The following ALK variants were observed in gnomAD, a reference collection of about 807,000 sequenced individuals.
The protein encoded by ALK is ALK receptor tyrosine kinase, also known as ALK tyrosine kinase receptor.
ALK carries 74 observed loss-of-function variants against 163.1 expected under a neutral mutation model. The ratio of observed to expected loss-of-function variants is 0.45; its 90% CI spans 0.38 to 0.55. The LOEUF (loss-of-function observed/expected upper bound fraction) is 0.55, where lower values mean the gene tolerates loss of function less well. ALK is among the 20% of genes least tolerant of loss of function. ALK has a pLI of 0.00. For missense variants in ALK, 2,063 were observed against 2,105.3 expected (o/e 0.98, Z 0.39); for synonymous variants, 960 against 843.2 (o/e 1.14, Z -2.40).
chr2:29,582,117 T>G (rs1674715272), intron 3 of ALK, among the ~76,000 whole-genome samples: 2 of 152,228 alleles, frequency 1.3e-5, no homozygotes, highest in African/African-American at 4.8e-5. Context: ...GACCTTGAGT[T>G]GCTCAGTCTT....
At chr2:29,516,035 G>C (rs942875791) in intron 4 of ALK, among the ~76,000 whole-genome samples, 1 of 152,206 alleles carries the variant, frequency 6.6e-6, no homozygotes, top group Admixed American at 6.5e-5. Flanking sequence ...ACCTGGGTGA[G>C]GGCTCTGACA....
intron 4 of ALK, among the ~76,000 whole-genome samples, chr2:29,396,208 T>G (rs1281245681): frequency 6.6e-6 from 1 of 152,118 alleles, no homozygotes; most frequent in Non-Finnish European, 1.5e-5. Context: ...GTGGCAAGTA[T>G]CCTGGATAAT....
chr2:29,722,089 T>G (rs1412907405), intron 1 of ALK, among the ~76,000 whole-genome samples: 2 of 152,256 alleles, frequency 1.3e-5, no homozygotes, highest in African/African-American at 4.8e-5. Context: ...CACATCCTGG[T>G]CACCACATAG....
intron 3 of ALK, among the ~76,000 whole-genome samples, chr2:29,685,812 G>C (rs1416916154): frequency 6.6e-6 from 1 of 152,212 alleles, no homozygotes; most frequent in Non-Finnish European, 1.5e-5. Flanking sequence ...TGGTGGAACT[G>C]CGTTCCTTCT....
intron 1 of ALK, among the ~76,000 whole-genome samples, chr2:29,814,181 T>C (rs892082878): frequency 6.6e-6 from 1 of 152,284 alleles, no homozygotes; most frequent in South Asian, 2.1e-4. Context: ...CATACTATTC[T>C]GTTTCATAGA....
intron 3 of ALK, among the ~76,000 whole-genome samples, chr2:29,602,623 T>G (rs1675410708): frequency 6.6e-6 from 1 of 152,172 alleles, no homozygotes; most frequent in African/African-American, 2.4e-5. Flanking sequence ...CCTGTTTGCT[T>G]GATAATGTCA....
intron 26 of ALK, among the ~76,000 whole-genome samples, chr2:29,198,900 CTT>C (rs1249754392): frequency 6.6e-6 from 1 of 151,272 alleles, no homozygotes; most frequent in East Asian, 1.9e-4. Flanking sequence ...TGTAGGCACT[CTT>C]TATATGTCAG....
At chr2:29,787,835 A>G (rs1408108622) in intron 1 of ALK, among the ~76,000 whole-genome samples, 2 of 152,222 alleles carry the variant, frequency 1.3e-5, no homozygotes, top group Non-Finnish European at 2.9e-5. Context: ...TCCCAACCAA[A>G]GAAGAATGGA....
At chr2:29,401,053 T>C (rs1006710017) in intron 4 of ALK, among the ~76,000 whole-genome samples, 2 of 152,120 alleles carry the variant, frequency 1.3e-5, no homozygotes, top group African/African-American at 4.8e-5. Context: ...TACAGAGTTA[T>C]GCATTTACCC....
intron 1 of ALK, among the ~76,000 whole-genome samples, chr2:29,752,016 C>G (rs1028108538): frequency 6.6e-6 from 1 of 152,100 alleles, no homozygotes; most frequent in African/African-American, 2.4e-5. Context: ...GATAATAGCA[C>G]AAAGCTAACA....
intron 8 of ALK, among the ~76,000 whole-genome samples, chr2:29,301,644 C>T (rs544474591): frequency 5.0e-4 from 76 of 152,298 alleles, no homozygotes; most frequent in Non-Finnish European, 6.0e-4. Context: ...CTAAACTGCC[C>T]CCTCCTCAGC....
chr2:29,336,367 C>G (rs1346961770), intron 5 of ALK, among the ~76,000 whole-genome samples: 1 of 152,202 alleles, frequency 6.6e-6, no homozygotes, highest in Non-Finnish European at 1.5e-5. Flanking sequence ...TCCAGGGCAT[C>G]TTTCCAAAGC....
Position 29,851,755 on chromosome 2 carries a change from G to A in ALK, c.667+68238C>T, listed in dbSNP as rs377339119. On this transcript the variant is annotated intron_variant, in intron 1 of 28. Transcript: ENST00000389048. ...ACTTCCATGAGAACAGGGGCCTGGC[G>A]GAATACATGCAAACAAATCCCCATT... is the stretch of plus-strand genomic sequence containing the variant. Among the ~76,000 whole-genome samples the A allele has an allele frequency of 1.9e-3, 286 of 152,262 alleles. 2 individuals carry two copies. Among genetic ancestry groups the A allele is most frequent in the Middle Eastern group, 0.014 (4 of 294 alleles).
In ALK at chr2:29,261,673, G is replaced by T. The variant is rs969314158; in HGVS notation, c.2042-10406C>A. 2.0e-5 allele frequency among the ~76,000 whole-genome samples: 3 copies of T among 152,110 alleles called. 1 individual carries two copies. Among genetic ancestry groups the T allele is most frequent in the Non-Finnish European group, 1.5e-5 (1 of 68,012 alleles). Reference sequence around the variant, plus strand: ...ACTAAGTATAATTTAACCTTTTCTTGATAGTGCTTCCCAGACTTAATGAGT... The same window carrying T: ...ACTAAGTATAATTTAACCTTTTCTTTATAGTGCTTCCCAGACTTAATGAGT... On this transcript the variant is annotated intron_variant, in intron 11 of 28. Coordinates refer to ENST00000389048, the MANE Select transcript of ALK (RefSeq NM_004304.5).
At chr2:29,238,960 T>G (rs1664451348) in intron 13 of ALK, among the ~76,000 whole-genome samples, 1 of 152,218 alleles carries the variant, frequency 6.6e-6, no homozygotes, top group African/African-American at 2.4e-5. Context: ...TCTGCTTAGA[T>G]GAAGGAATTA....
intron 1 of ALK, among the ~76,000 whole-genome samples, chr2:29,828,508 G>A (rs1216637288): frequency 6.6e-6 from 1 of 152,100 alleles, no homozygotes; most frequent in Non-Finnish European, 1.5e-5. Flanking sequence ...CGAAGGATAT[G>A]AACAGACACT....
chr2:29,409,981 A>G (rs1669688451), intron 4 of ALK, among the ~76,000 whole-genome samples: 1 of 152,170 alleles, frequency 6.6e-6, no homozygotes, highest in South Asian at 2.1e-4. Flanking sequence ...TTGAGCCTTT[A>G]TCTTAATCAT....
At chr2:29,876,347 G>A (rs1666706592) in intron 1 of ALK, among the ~76,000 whole-genome samples, 1 of 152,044 alleles carries the variant, frequency 6.6e-6, no homozygotes, top group East Asian at 1.9e-4. Flanking sequence ...TGATGGTGAT[G>A]GTAGTGGTAA....
chr2:29,883,666 C>T (rs1052756779), intron 1 of ALK, among the ~76,000 whole-genome samples: 1 of 152,114 alleles, frequency 6.6e-6, no homozygotes, highest in Non-Finnish European at 1.5e-5. Context: ...TAGGCTCAGA[C>T]CTGCTCACTC....
Sources: allele counts gnomAD v4.1 joint callset (sites outside exome capture counted in the v4.1 genomes callset), GRCh38; gene constraint gnomAD v4.1.1; transcripts MANE v1.5; gene names NCBI Gene and HGNC (gene_info 2026-07-23, HGNC 2026-07-21).